The following STAU1 variants were observed in gnomAD, a reference collection of about 807,000 sequenced individuals.
STAU1 encodes the protein staufen double-stranded RNA binding protein 1, also known as double-stranded RNA-binding protein Staufen homolog 1.
In STAU1, 13 loss-of-function variants were observed where a neutral mutation model predicts 62.9. That is an observed-to-expected ratio of 0.21 (90% CI 0.13 to 0.33). The LOEUF is 0.33. Ranked by LOEUF, STAU1 falls within the 10% of genes least tolerant of loss-of-function variation. The pLI, the probability that STAU1 is intolerant of heterozygous loss-of-function variation, is 1.00. For missense variants in STAU1, 571 were observed against 712.1 expected (o/e 0.80, Z 2.25); for synonymous variants, 269 against 265.1 (o/e 1.01, Z -0.14).
chr20:49,209,438 T>TA, the STAU1 span, among the ~76,000 whole-genome samples: 33,599 of 119,018 alleles, frequency 0.28, 5,078 homozygotes, highest in African/African-American at 0.43. Flanking sequence ...TCTGTACAGT[T>TA]AAAAAAAAAA....
chr20:49,195,055 G>A, the STAU1 span, among the ~76,000 whole-genome samples: 2 of 151,868 alleles, frequency 1.3e-5, no homozygotes, highest in Non-Finnish European at 1.5e-5. Context: ...CACAAAATTC[G>A]GAATCCTTAA....
At chr20:49,197,671 G>T in the STAU1 span, among the ~76,000 whole-genome samples, 1 of 152,022 alleles carries the variant, frequency 6.6e-6, no homozygotes, top group Non-Finnish European at 1.5e-5. Context: ...CAAAGTGCTA[G>T]AATTACAGTC....
At chr20:49,116,013 A>C (rs941924069) in intron 12 of STAU1, 146 bp from the exon 13 acceptor site, 22 of 585,356 alleles carry the variant, frequency 3.8e-5, no homozygotes, top group African/African-American at 3.4e-4. Context: ...TAAAACTTTG[A>C]ATTTTTAATT....
chr20:49,167,854 C>T (rs1159279954), intron 2 of STAU1, among the ~76,000 whole-genome samples: 1 of 152,134 alleles, frequency 6.6e-6, no homozygotes, highest in African/African-American at 2.4e-5. Context: ...TACGACTTCA[C>T]AACACCAACC....
intron 6 of STAU1, among the ~76,000 whole-genome samples, chr20:49,130,125 A>G (rs2092720122): frequency 1.3e-5 from 2 of 152,280 alleles, no homozygotes; most frequent in East Asian, 3.9e-4. Context: ...ACTATGTAAC[A>G]CTCTTGGTGA....
In STAU1 at chr20:49,158,963, G is replaced by A. The variant is rs757200848; in HGVS notation, c.206-4892C>T. 2.2e-5 allele frequency: 28 copies of A among 1,301,166 alleles called. 1 individual carries two copies. The allele number at this position is 1,301,166 out of a possible 1,614,324, so 80.6% of individuals were successfully genotyped here. A position where few individuals can be genotyped will look rare whatever the true frequency, so the allele number is the denominator to read the frequency against. On this transcript the variant is annotated intron_variant, in intron 3 of 13. Transcript: ENST00000371856. Reference sequence around the variant, plus strand: ...CCCCCCTTGACACTTCACACATCAGGACATCAGGGGTCTCCTTTATTATAT... The same window carrying A: ...CCCCCCTTGACACTTCACACATCAGAACATCAGGGGTCTCCTTTATTATAT...
chr20:49,153,985 G>A lies in STAU1; in HGVS notation c.292C>T (p.Arg98Trp), dbSNP rs2093313378. 3 of 1,612,956 alleles carry A rather than the reference G, an allele frequency of 1.9e-6. No individual in the cohort carries two copies. Among genetic ancestry groups the A allele is most frequent in the Non-Finnish European group, 2.5e-6 (3 of 1,179,818 alleles). The change falls in exon 4 of 14, where the codon CGG becomes TGG. Residue 98 changes from arginine to tryptophan, a missense_variant. Arg to Trp is a moderately radical substitution (Grantham distance 101, BLOSUM62 -3). Transcript: ENST00000371856. Reference sequence around the variant, plus strand: ...TTGTAGTTATAGGTGGACTGCATCCGAGAGTAAGGGTCAACAGGCTTATAC... The same window carrying A: ...TTGTAGTTATAGGTGGACTGCATCCAAGAGTAAGGGTCAACAGGCTTATAC... ...PMYKPVDPYSRMQSTYNYNMR... is the reference protein window; with the variant it reads ...PMYKPVDPYSWMQSTYNYNMR...
chr20:49,205,985 CTT>C, the STAU1 span, among the ~76,000 whole-genome samples: 18 of 122,030 alleles, frequency 1.5e-4, no homozygotes, highest in Admixed American at 4.4e-4. Context: ...ATTTTCTTTT[CTT>C]TTTTTTTTTT....
chr20:49,195,902 A>AAAAAAAAAAAAAAAAAG, the STAU1 span, among the ~76,000 whole-genome samples: 5 of 95,226 alleles, frequency 5.3e-5, no homozygotes, highest in African/African-American at 1.4e-4. Context: ...TCCTCTCAAA[A>AAAAAAAAAAAAAAAAAG]AAAAAAAAAA....
At chr20:49,115,943 AAG>A in intron 12 of STAU1, 76 bp from the exon 13 acceptor site, 1 of 1,288,528 alleles carries the variant, frequency 7.8e-7, no homozygotes, top group Non-Finnish European at 1.1e-6. Flanking sequence ...TCAGGCAGGC[AAG>A]AGAGTTCCTG....
Position 49,135,225 on chromosome 20 carries a change from G to A in STAU1, c.609+608C>T, listed in dbSNP as rs189437523. On this transcript the variant is annotated intron_variant, in intron 6 of 13. Coordinates refer to ENST00000371856, the MANE Select transcript of STAU1 (RefSeq NM_017453.4). ...AAATTTTCTGCAGCATTAAGCTGGC[G>A]CTTAATAAAAATAAGTAACAAAAAA... is the stretch of plus-strand genomic sequence containing the variant. Among the ~76,000 whole-genome samples the A allele has an allele frequency of 3.7e-3, 558 of 152,294 alleles. 3 individuals carry two copies. The highest frequency in any genetic ancestry group is 0.013 in the African/African-American group (533 of 41,564).
chr20:49,130,503 G>T (rs1488165825), intron 6 of STAU1, among the ~76,000 whole-genome samples: 1 of 151,994 alleles, frequency 6.6e-6, no homozygotes, highest in Non-Finnish European at 1.5e-5. Flanking sequence ...TAACTGATGG[G>T]GGCATGTTAA....
intron 13 of STAU1, 103 bp from the exon 14 acceptor site, chr20:49,114,996 C>G: frequency 8.3e-7 from 1 of 1,205,378 alleles, no homozygotes; most frequent in Non-Finnish European, 1.2e-6. Context: ...AAGTACAATA[C>G]TAAAAGCCCC....
intron 4 of STAU1, among the ~76,000 whole-genome samples, chr20:49,153,421 C>G (rs770601090): frequency 7.1e-6 from 1 of 140,982 alleles, no homozygotes; most frequent in Non-Finnish European, 1.6e-5. Context: ...AAAAAAGAGG[C>G]GCAGCCAGGT....
At chr20:49,122,483 C>T (rs1469167816) in intron 8 of STAU1, among the ~76,000 whole-genome samples, 1 of 152,190 alleles carries the variant, frequency 6.6e-6, no homozygotes, top group African/African-American at 2.4e-5. Flanking sequence ...CCAGTGCACC[C>T]AGCAGTAGTG....
intron 3 of STAU1, chr20:49,159,140 GA>G: frequency 9.4e-7 from 1 of 1,062,662 alleles, no homozygotes. Flanking sequence ...TGCTGAAGGG[GA>G]AAAAGCTAAA....
Position 49,173,241 on chromosome 20 carries a change from T to C in STAU1, c.-85+954A>G, listed in dbSNP as rs1367346510. 2.6e-5 allele frequency among the ~76,000 whole-genome samples: 4 copies of C among 151,544 alleles called. No individual in the cohort carries two copies. In the East Asian group the frequency reaches 8.0e-4, roughly 30 times the overall value. ...GGGAGGCCAAGGTGGGTGGATCACC[T>C]CATGTCAGGAGTTCGAGACCAGCCT... On this transcript the variant is annotated intron_variant, in intron 2 of 13. Coordinates refer to ENST00000371856, the MANE Select transcript of STAU1 (RefSeq NM_017453.4).
chr20:49,217,028 G>A, the STAU1 span, among the ~76,000 whole-genome samples: 1 of 152,306 alleles, frequency 6.6e-6, no homozygotes, highest in South Asian at 2.1e-4. Context: ...ATGTCTCTGA[G>A]CCCAGAGGCT....
At chr20:49,207,510 T>G in the STAU1 span, among the ~76,000 whole-genome samples, 1 of 152,138 alleles carries the variant, frequency 6.6e-6, no homozygotes, top group Non-Finnish European at 1.5e-5. Flanking sequence ...TTTTAAATTT[T>G]TTTTGTTTGG....
Sources: gnomAD v4.1 joint callset for allele counts (sites outside exome capture counted in the v4.1 genomes callset) on GRCh38, gnomAD v4.1.1 for gene constraint, MANE v1.5 for transcripts, NCBI Gene and HGNC (gene_info 2026-07-23, HGNC 2026-07-21) for gene names.